The following INTS7 variants were observed in gnomAD, a reference collection of about 807,000 sequenced individuals.
INTS7 encodes the protein integrator complex subunit 7.
Under a neutral mutation model 109.2 loss-of-function variants are expected in INTS7, and 46 were observed. The ratio of observed to expected loss-of-function variants is 0.42; its 90% CI spans 0.33 to 0.54. INTS7 has a LOEUF of 0.54. INTS7 is among the 20% of genes least tolerant of loss of function. The probability of loss-of-function intolerance (pLI) is 0.07; values close to 1 mark genes in which losing one functional copy is unlikely to be tolerated. For synonymous variants in INTS7, 412 were observed against 402.9 expected, an observed-to-expected ratio of 1.02 and a Z score of -0.27; for missense variants, 929 against 1,132.4, an observed-to-expected ratio of 0.82 and a Z score of 2.58.
At chr1:212,025,745 T>C (rs1666889532) in intron 1 of INTS7, 1 of 152,622 alleles carries the variant, frequency 6.6e-6, no homozygotes, top group African/African-American at 2.4e-5. Flanking sequence ...TTTAACAGCA[T>C]CAATTTCAAA....
chr1:212,004,151 C>T (rs71646138), intron 7 of INTS7, among the ~76,000 whole-genome samples: 2 of 152,076 alleles, frequency 1.3e-5, no homozygotes, highest in Non-Finnish European at 2.9e-5. Context: ...TCAGGACCAG[C>T]CTGGGCAACA....
chr1:211,944,145 A>G (rs1424113019), intron 19 of INTS7, among the ~76,000 whole-genome samples: 1 of 152,174 alleles, frequency 6.6e-6, no homozygotes, highest in Non-Finnish European at 1.5e-5. Flanking sequence ...TTTAATGATA[A>G]AATTTACTTA....
In INTS7 at chr1:212,020,107, T is replaced by C. The variant is rs565740968; in HGVS notation, c.371+15A>G. The C allele has an allele frequency of 2.7e-4, 415 of 1,524,384 alleles. 6 individuals are homozygous for C. In the South Asian group the frequency reaches 5.0e-3, roughly 18 times the overall value. The allele number at this position is 1,524,384 out of a possible 1,614,324, so 94.4% of individuals were successfully genotyped here. On this transcript the variant is annotated intron_variant, in intron 3 of 19. Coordinates refer to ENST00000366994, the MANE Select transcript of INTS7 (RefSeq NM_015434.4). ...CAAATAATCTCATAGTGAATTATTA[T>C]AATACGGTATATACCGGAGGGTGAT...
At position 211,987,981 on chromosome 1, in the gene INTS7, T is replaced by C; in HGVS notation, c.902A>G (p.Gln301Arg). The C allele has an allele frequency of 6.2e-7, 1 of 1,606,250 alleles. No individual in the cohort carries two copies. Among genetic ancestry groups the C allele is most frequent in the South Asian group, 1.1e-5 (1 of 90,604 alleles). ...NIQALCECAL[Q>R]TPYDSLKLGM... Reference sequence around the variant, plus strand: ...TAGTTTTAAGCTGTCATAAGGAGTCTGGAGGGCACACTCACAAAGTGCCTG... The same window carrying C: ...TAGTTTTAAGCTGTCATAAGGAGTCCGGAGGGCACACTCACAAAGTGCCTG... The change falls in exon 8 of 20, where the codon CAG (glutamine) becomes CGG (arginine). Residue 301 changes from glutamine (Q) to arginine (R), a missense_variant. Physicochemically the swap from Gln to Arg is conservative, Grantham distance 43. Around this residue, in one of 2 missense-constraint regions of INTS7, gnomAD observed 787 missense variants for 901.1 expected, o/e 0.87. Coordinates refer to ENST00000366994, the MANE Select transcript of INTS7 (RefSeq NM_015434.4).
At chr1:212,027,305 G>A (rs1666967993) in intron 1 of INTS7, among the ~76,000 whole-genome samples, 1 of 152,206 alleles carries the variant, frequency 6.6e-6, no homozygotes, top group South Asian at 2.1e-4. Flanking sequence ...GCACGTTCCA[G>A]TTCTAGTATA....
chr1:212,028,424 T>C (rs1337747471), intron 1 of INTS7, among the ~76,000 whole-genome samples: 1 of 152,208 alleles, frequency 6.6e-6, no homozygotes, highest in Non-Finnish European at 1.5e-5. Context: ...ATTACAGTAC[T>C]GCAGGTCCAT....
chr1:212,015,577 C>T lies in INTS7; in HGVS notation c.509+1309G>A, dbSNP rs548337818. Among the ~76,000 whole-genome samples the T allele has an allele frequency of 1.4e-4, 21 of 151,878 alleles. No homozygotes were observed. In the South Asian group the frequency reaches 2.3e-3, roughly 17 times the overall value. ...CAGGGACACAAACACTGAGGAAGGC[C>T]GCAGGGTCCTCTGCCTAGGAAAACC... is the stretch of plus-strand genomic sequence containing the variant. On this transcript the variant is annotated intron_variant, in intron 4 of 19. Coordinates refer to ENST00000366994, the MANE Select transcript of INTS7 (RefSeq NM_015434.4).
chr1:212,033,616 T>C (rs978048341), intron 1 of INTS7, among the ~76,000 whole-genome samples: 1 of 152,240 alleles, frequency 6.6e-6, no homozygotes, highest in Non-Finnish European at 1.5e-5. Flanking sequence ...GCCCCATCTT[T>C]ATCCCTGTTC....
intron 13 of INTS7, among the ~76,000 whole-genome samples, chr1:211,973,600 T>C (rs1413925022): frequency 6.6e-6 from 1 of 152,068 alleles, no homozygotes; most frequent in Non-Finnish European, 1.5e-5. Flanking sequence ...GTTAAAAAGA[T>C]AGAAAGCAAT....
intron 7 of INTS7, among the ~76,000 whole-genome samples, chr1:212,005,180 A>C (rs894577586): frequency 6.6e-6 from 1 of 152,206 alleles, no homozygotes; most frequent in African/African-American, 2.4e-5. Context: ...AGTACATTAC[A>C]ATTAAAGGGG....
At chr1:211,953,748 G>A (rs1663227707) in intron 16 of INTS7, among the ~76,000 whole-genome samples, 1 of 151,228 alleles carries the variant, frequency 6.6e-6, no homozygotes, top group Non-Finnish European at 1.5e-5. Flanking sequence ...TTTTATGGCT[G>A]CATAGTATTC....
intron 3 of INTS7, among the ~76,000 whole-genome samples, chr1:212,019,523 G>A (rs1410123055): frequency 1.3e-5 from 2 of 152,000 alleles, no homozygotes; most frequent in Non-Finnish European, 2.9e-5. Flanking sequence ...TATAATTTAG[G>A]AAAGTGAATT....
intron 8 of INTS7, among the ~76,000 whole-genome samples, chr1:211,984,775 CTT>C (rs1367095196): frequency 1.3e-5 from 2 of 151,968 alleles, no homozygotes; most frequent in African/African-American, 4.8e-5. Flanking sequence ...ACATTTATTC[CTT>C]TCTTTCTTTT....
intron 16 of INTS7, among the ~76,000 whole-genome samples, chr1:211,954,096 CTGGTG>C (rs1663244234): frequency 6.6e-6 from 1 of 152,222 alleles, no homozygotes; most frequent in African/African-American, 2.4e-5. Flanking sequence ...GCCATTCTAA[CTGGTG>C]TGAGATGGTA....
chr1:211,946,624 G>A lies in INTS7; in HGVS notation c.2398C>T (p.Gln800Ter). 1 of 1,606,108 alleles carries A rather than the reference G, an allele frequency of 6.2e-7. No homozygotes were observed. The highest frequency in any genetic ancestry group is 8.5e-7 in the Non-Finnish European group (1 of 1,172,834). The part of the protein sequence containing the change: ...SFQRYFFQKL[Q>*]STSIKLALSP... The stretch of plus-strand genomic sequence containing the variant: ...TGTATTACCTTGATGCTGGTAGACT[G>A]TAGTTTCTGGAAAAAATATCTCTGG... The change falls in exon 18 of 20, where the codon CAG becomes TAG. Residue 800 changes from glutamine to a stop codon, truncating the protein, a stop_gained. Transcript: ENST00000366994. LOFTEE classifies it high-confidence loss of function. The surrounding 1 kb of genome is among the most constrained non-coding windows in gnomAD (Gnocchi z 4.3).
In INTS7 at chr1:212,006,713, T is replaced by C. The variant is rs774779818; in HGVS notation, c.805A>G (p.Lys269Glu). ...TTCAGATCTTGAATAGCAAGTCTCT[T>C]TACTGCCTTCCTGGGATCATTCTTC... ...YLKNDPRKAV[K>E]RLAIQDLKLL... Residue 269 changes from lysine (K) to glutamate (E), a missense_variant, in exon 7 of 20, where the codon AAG becomes GAG. This residue lies in a region of INTS7 where 787 missense variants were observed against 901.1 expected (regional missense o/e 0.87). Transcript: ENST00000366994. The C allele has an allele frequency of 1.9e-6, 3 of 1,604,674 alleles. No homozygotes were observed. The East Asian group carries it at 6.7e-5, about 36-fold the overall frequency.
At chr1:211,968,101 C>G (rs965574609) in intron 14 of INTS7, 120 bp from the exon 15 acceptor site, 2 of 554,268 alleles carry the variant, frequency 3.6e-6, no homozygotes, top group Non-Finnish European at 6.2e-6. Flanking sequence ...ATACTGCCAT[C>G]TTTTCACTGT....
chr1:211,969,551 CTTTT>C (rs36104773), intron 13 of INTS7, among the ~76,000 whole-genome samples: 1,889 of 85,032 alleles, frequency 0.022, 8 homozygotes, highest in Non-Finnish European at 0.026. Context: ...TTTTTCTTTT[CTTTT>C]TTTTTTTTTT....
intron 7 of INTS7, among the ~76,000 whole-genome samples, chr1:212,004,222 G>A (rs899765891): frequency 9.2e-5 from 14 of 152,054 alleles, no homozygotes; most frequent in African/African-American, 3.4e-4. Context: ...CATGCCTGTA[G>A]TCCCAGCTGC....
Sources: allele counts gnomAD v4.1 joint callset (sites outside exome capture counted in the v4.1 genomes callset), GRCh38; gene constraint gnomAD v4.1.1; regional missense constraint gnomAD v4.1.1; non-coding constraint Gnocchi (gnomAD v3.1); transcripts MANE v1.5; gene names NCBI Gene and HGNC (gene_info 2026-07-23, HGNC 2026-07-21).